Variants in KIAA1217 observed in about 807,000 individuals in gnomAD.
KIAA1217 encodes KIAA1217.
Under a neutral mutation model 163.9 loss-of-function variants are expected in KIAA1217, and 88 were observed. The ratio of observed to expected loss-of-function variants is 0.54; its 90% confidence interval spans 0.45 to 0.64. KIAA1217 has a LOEUF of 0.64. Among genes scored for constraint, KIAA1217 ranks in the 30% least tolerant of loss-of-function variants. The pLI is 0.00. For synonymous variants in KIAA1217, 903 were observed against 923.1 expected, an observed-to-expected ratio of 0.98 and a Z score of 0.39; for missense variants, 2,372 against 2,475.0, an observed-to-expected ratio of 0.96 and a Z score of 0.88.
chr10:23,815,971 G>A (rs1459705046), intron 1 of KIAA1217, among the ~76,000 whole-genome samples: 1 of 152,130 alleles, frequency 6.6e-6, no homozygotes, highest in African/African-American at 2.4e-5. Context: ...TTACAGGAAG[G>A]TACTGTCTTC....
rs78872005 is a variant in KIAA1217, at chr10:24,167,618, T to C, written c.-170-52008T>C. Among the ~76,000 whole-genome samples the C allele has an allele frequency of 3.5e-4, 54 of 152,298 alleles. 1 individual carries two copies. The East Asian group carries it at 7.7e-3, about 22-fold the overall frequency. On this transcript the variant is annotated intron_variant, in intron 2 of 18. Coordinates refer to the KIAA1217 transcript ENST00000376462. ...CACCTTTACCCAACTTGGACAACTG[T>C]GAAGAACTCTGTAGCCTTCCATTAT...
Position 24,433,030 on chromosome 10 carries a change from C to G in KIAA1217, c.589C>G (p.Gln197Glu). ...TCTCCAGTATGGAGATGAAACCAAG[C>G]AGCTCAGGATGCCGAATGAAATCAC... ...LYLQYGDETK[Q>E]LRMPNEITSA... The change falls in exon 4 of 21, where the codon CAG (glutamine) becomes GAG (glutamate). Residue 197 changes from glutamine (Q) to glutamate (E), a missense_variant. By Grantham distance (29) the Gln-to-Glu change is conservative (BLOSUM62 2). Coordinates refer to ENST00000376454, the MANE Select transcript of KIAA1217 (RefSeq NM_019590.5). 6.2e-7 allele frequency: 1 copy of G among 1,614,064 alleles called. No individual in the cohort carries two copies. The highest frequency in any genetic ancestry group is 8.5e-7 in the Non-Finnish European group (1 of 1,179,988).
intron 1 of KIAA1217, among the ~76,000 whole-genome samples, chr10:23,983,424 A>G (rs1564585961): frequency 6.6e-6 from 1 of 152,194 alleles, no homozygotes; most frequent in East Asian, 1.9e-4. Context: ...GGAAGCATCA[A>G]GAAATTTACA....
intron 2 of KIAA1217, among the ~76,000 whole-genome samples, chr10:24,027,866 G>T (rs553062182): frequency 1.3e-5 from 2 of 152,178 alleles, no homozygotes; most frequent in African/African-American, 4.8e-5. Context: ...AGTCAGATTT[G>T]CACAGTGTCT....
chr10:24,520,793 C>A (rs1412530538), intron 11 of KIAA1217, among the ~76,000 whole-genome samples: 15 of 148,368 alleles, frequency 1.0e-4, no homozygotes, highest in Non-Finnish European at 1.9e-4. Flanking sequence ...CTATGGTGAG[C>A]CACCATTGCA....
chr10:23,721,067 C>G (rs551805247), intron 1 of KIAA1217, among the ~76,000 whole-genome samples: 4 of 152,152 alleles, frequency 2.6e-5, no homozygotes, highest in Non-Finnish European at 5.9e-5. Flanking sequence ...TCTTCAAGTC[C>G]TGTTTCTTAA....
chr10:23,802,899 T>C (rs925209586), intron 1 of KIAA1217, among the ~76,000 whole-genome samples: 1 of 152,158 alleles, frequency 6.6e-6, no homozygotes, highest in Non-Finnish European at 1.5e-5. Flanking sequence ...CCAAAAATAA[T>C]AATGCTGGTA....
intron 2 of KIAA1217, among the ~76,000 whole-genome samples, chr10:24,097,033 T>C (rs1464257239): frequency 6.6e-6 from 1 of 152,142 alleles, no homozygotes; most frequent in African/African-American, 2.4e-5. Context: ...GGTGGGCCAT[T>C]GAAGGCATTC....
chr10:23,986,200 T>C (rs141823351), intron 1 of KIAA1217, among the ~76,000 whole-genome samples: 81 of 152,336 alleles, frequency 5.3e-4, no homozygotes, highest in African/African-American at 1.9e-3. Flanking sequence ...GCCTCGAGCA[T>C]ATTAGAGGGA....
At chr10:24,096,527 T>C (rs2062169803) in intron 2 of KIAA1217, among the ~76,000 whole-genome samples, 1 of 152,218 alleles carries the variant, frequency 6.6e-6, no homozygotes, top group Non-Finnish European at 1.5e-5. Context: ...ATTGCTTTTA[T>C]AATAAAGTCA....
intron 1 of KIAA1217, among the ~76,000 whole-genome samples, chr10:23,861,354 A>T (rs1305234745): frequency 6.6e-6 from 1 of 152,188 alleles, no homozygotes; most frequent in Non-Finnish European, 1.5e-5. Flanking sequence ...CAGTGACTTT[A>T]TAGTAGTGGT....
At chr10:24,401,611 G>C (rs2056536417) in intron 3 of KIAA1217, among the ~76,000 whole-genome samples, 2 of 152,106 alleles carry the variant, frequency 1.3e-5, no homozygotes, top group African/African-American at 2.4e-5. Context: ...ACTTCATAAA[G>C]AGCATCTACC....
In KIAA1217 at chr10:24,041,784, C is replaced by G. The variant is rs187747986; in HGVS notation, c.-171+34410C>G. Among the ~76,000 whole-genome samples, 11 of 152,322 alleles carry G rather than the reference C, an allele frequency of 7.2e-5. No individual in the cohort carries two copies. The East Asian group carries it at 1.9e-3, about 27-fold the overall frequency. On this transcript the variant is annotated intron_variant, in intron 2 of 18. Coordinates refer to the KIAA1217 transcript ENST00000376462. Reference sequence around the variant, plus strand: ...TAAAGCAAGGAAATATTTGCTTGAACTAATGCCTGGAAACTGAACGTGGTA... The same window carrying G: ...TAAAGCAAGGAAATATTTGCTTGAAGTAATGCCTGGAAACTGAACGTGGTA...
Position 24,508,238 on chromosome 10 carries a change from G to T in KIAA1217, c.2002-5021G>T, listed in dbSNP as rs116379228. Among the ~76,000 whole-genome samples the T allele has an allele frequency of 4.4e-3, 676 of 152,212 alleles. 9 individuals carry two copies. The highest frequency in any genetic ancestry group is 0.015 in the African/African-American group (643 of 41,524). On this transcript the variant is annotated intron_variant, in intron 9 of 20. Coordinates refer to ENST00000376454, the MANE Select transcript of KIAA1217 (RefSeq NM_019590.5). ...TAATACGAAAAAAATCAACGTATTTGACCTTATTAACAGAAAAATCGTATT... is the reference window on the plus strand; with the variant it reads ...TAATACGAAAAAAATCAACGTATTTTACCTTATTAACAGAAAAATCGTATT...
chr10:23,827,917 G>T (rs1837978654), intron 1 of KIAA1217, among the ~76,000 whole-genome samples: 1 of 152,168 alleles, frequency 6.6e-6, no homozygotes, highest in South Asian at 2.1e-4. Context: ...AAGGATGACT[G>T]TTTGCCCAGG....
chr10:24,340,367 A>C lies in KIAA1217; in HGVS notation c.355-40502A>C, dbSNP rs111492038. 4.3e-4 allele frequency among the ~76,000 whole-genome samples: 65 copies of C among 152,238 alleles called. 2 individuals are homozygous for C. Among genetic ancestry groups the C allele is most frequent in the Middle Eastern group, 3.4e-3 (1 of 294 alleles). On this transcript the variant is annotated intron_variant, in intron 2 of 20. Coordinates refer to ENST00000376454, the MANE Select transcript of KIAA1217 (RefSeq NM_019590.5). ...GTCTCACGAGATCTGATGGTCTGAT[A>C]AAGGGTTAACCCTTTCACTTGCCTC...
intron 2 of KIAA1217, among the ~76,000 whole-genome samples, chr10:24,076,061 G>A (rs914289001): frequency 6.6e-6 from 1 of 152,120 alleles, no homozygotes; most frequent in Admixed American, 6.5e-5. Context: ...TCACTTGGGG[G>A]GAGTAGGGCC....
intron 2 of KIAA1217, among the ~76,000 whole-genome samples, chr10:24,051,484 T>A (rs2131582613): frequency 6.6e-6 from 1 of 152,308 alleles, no homozygotes; most frequent in Admixed American, 6.5e-5. Flanking sequence ...ATTTCTATGT[T>A]TTCTGTAGAG....
intron 2 of KIAA1217, among the ~76,000 whole-genome samples, chr10:24,129,222 T>A (rs1365179028): frequency 6.6e-6 from 1 of 152,132 alleles, no homozygotes; most frequent in Non-Finnish European, 1.5e-5. Flanking sequence ...CTTACTGCAG[T>A]GTAATAGAGT....
Sources: gnomAD v4.1 joint callset for allele counts (sites outside exome capture counted in the v4.1 genomes callset) on GRCh38, gnomAD v4.1.1 for gene constraint, MANE v1.5 for transcripts, NCBI Gene and HGNC (gene_info 2026-07-23, HGNC 2026-07-21) for gene names.